The following DSCAM variants were observed in gnomAD, a reference collection of about 807,000 sequenced individuals.
DSCAM encodes DS cell adhesion molecule, also known as cell adhesion molecule DSCAM.
DSCAM carries 47 observed loss-of-function variants against 217.7 expected under a neutral mutation model. The ratio of observed to expected loss-of-function variants is 0.22; its 90% CI spans 0.17 to 0.28. The LOEUF (loss-of-function observed/expected upper bound fraction) is 0.28, where lower values mean the gene tolerates loss of function less well. DSCAM is among the 10% of genes least tolerant of loss of function. DSCAM has a pLI of 1.00. For synonymous variants in DSCAM, 1,056 were observed against 1,015.3 expected (o/e 1.04, Z -0.76); for missense variants, 2,080 against 2,618.3 (o/e 0.79, Z 4.49).
chr21:40,665,486 A>AT (rs1194505839), intron 3 of DSCAM, among the ~76,000 whole-genome samples: 5 of 151,774 alleles, frequency 3.3e-5, no homozygotes, highest in East Asian at 1.9e-4. Context: ...CCGCACTTTC[A>AT]TTTTTCTTTA....
At chr21:40,615,168 G>T (rs1316107500) in intron 3 of DSCAM, among the ~76,000 whole-genome samples, 4 of 151,246 alleles carry the variant, frequency 2.6e-5, no homozygotes, top group Admixed American at 1.3e-4. Context: ...GCCAGGCATG[G>T]TGGCACACAC....
At chr21:40,283,164 C>T (rs2073785680) in intron 10 of DSCAM, among the ~76,000 whole-genome samples, 1 of 152,178 alleles carries the variant, frequency 6.6e-6, no homozygotes, top group East Asian at 1.9e-4. Context: ...ATTTATCAGT[C>T]ATCTACTTTA....
intron 22 of DSCAM, 38 bp from the exon 23 acceptor site, chr21:40,085,803 T>C: frequency 7.0e-7 from 1 of 1,427,788 alleles, no homozygotes; most frequent in East Asian, 2.5e-5. Flanking sequence ...ATTAAAGAAA[T>C]TACAATCCAA....
chr21:40,533,462 C>T (rs1568884470), intron 3 of DSCAM, among the ~76,000 whole-genome samples: 3 of 151,630 alleles, frequency 2.0e-5, no homozygotes, highest in Non-Finnish European at 2.9e-5. Context: ...ATCCACCCAT[C>T]GTCCATCCAT....
intron 3 of DSCAM, among the ~76,000 whole-genome samples, chr21:40,507,607 A>G (rs989977564): frequency 6.6e-6 from 1 of 152,048 alleles, no homozygotes; most frequent in African/African-American, 2.4e-5. Flanking sequence ...CCTGGGGAAC[A>G]TGGTGAAACC....
intron 3 of DSCAM, among the ~76,000 whole-genome samples, chr21:40,614,010 G>C (rs1235290910): frequency 6.6e-6 from 1 of 152,124 alleles, no homozygotes; most frequent in Non-Finnish European, 1.5e-5. Context: ...TCCTATCAAA[G>C]GAAAAAAGCA....
chr21:40,743,500 C>T (rs1433635863), intron 1 of DSCAM, among the ~76,000 whole-genome samples: 5 of 152,078 alleles, frequency 3.3e-5, no homozygotes, highest in Admixed American at 3.3e-4. Context: ...GCTTATTCCC[C>T]ACTCTGACAT....
chr21:40,649,725 G>A (rs2089991161), intron 3 of DSCAM, among the ~76,000 whole-genome samples: 1 of 152,184 alleles, frequency 6.6e-6, no homozygotes, highest in Non-Finnish European at 1.5e-5. Context: ...ACAAAATAGA[G>A]ATGTTGTGCA....
intron 3 of DSCAM, among the ~76,000 whole-genome samples, chr21:40,425,439 C>A (rs541009838): frequency 6.6e-6 from 1 of 151,754 alleles, no homozygotes; most frequent in Admixed American, 6.6e-5. Flanking sequence ...ACCAACCTGG[C>A]GCATGTATAC....
At chr21:40,766,144 G>A (rs76077557) in intron 1 of DSCAM, among the ~76,000 whole-genome samples, 1 of 152,280 alleles carries the variant, frequency 6.6e-6, no homozygotes, top group East Asian at 1.9e-4. Context: ...AGCAAAAGGG[G>A]TTGGGGGTGG....
chr21:40,140,219 T>G lies in DSCAM; in HGVS notation c.3406+2339A>C, dbSNP rs187323057. Among the ~76,000 whole-genome samples the G allele has an allele frequency of 2.9e-3, 441 of 152,244 alleles. 2 individuals are homozygous for G. The highest frequency in any genetic ancestry group is 1.0e-2 in the African/African-American group (415 of 41,528). ...CAGGCAGGTTCATGTTTCTGAAGGT[T>G]TCTTGCTTATCTTTCGGAAATGAAG... On this transcript the variant is annotated intron_variant, in intron 18 of 32. Coordinates refer to ENST00000400454, the MANE Select transcript of DSCAM (RefSeq NM_001389.5).
At chr21:40,396,747 C>T (rs921293946) in intron 3 of DSCAM, among the ~76,000 whole-genome samples, 2 of 152,314 alleles carry the variant, frequency 1.3e-5, no homozygotes, top group South Asian at 4.1e-4. Flanking sequence ...TCTACCACAG[C>T]TACTACAACT....
intron 11 of DSCAM, among the ~76,000 whole-genome samples, chr21:40,267,304 T>C (rs934156215): frequency 6.6e-6 from 1 of 152,054 alleles, no homozygotes; most frequent in Admixed American, 6.5e-5. Flanking sequence ...TCTAAAGTAA[T>C]TATGAACAAT....
Position 40,011,794 on chromosome 21 carries a change from T to C in DSCAM, c.*1240A>G, listed in dbSNP as rs2088059884. On this transcript the variant is annotated 3_prime_UTR_variant, in exon 33 of 33. Transcript: ENST00000400454. ...AGGATTCAGGCAATGTTTATTAAGATGGTCTATCACAAATTTGCATACCAG... is the reference window on the plus strand; with the variant it reads ...AGGATTCAGGCAATGTTTATTAAGACGGTCTATCACAAATTTGCATACCAG... The C allele has an allele frequency of 6.6e-6, 1 of 152,202 alleles. No individual in the cohort carries two copies. The highest frequency in any genetic ancestry group is 2.1e-4 in the South Asian group (1 of 4,830). The allele number at this position is 152,202 out of a possible 1,614,324, so 9.4% of individuals were successfully genotyped here. A position where few individuals can be genotyped will look rare whatever the true frequency, so the allele number is the denominator to read the frequency against.
chr21:40,548,089 C>CTGG (rs1320829673), intron 3 of DSCAM, among the ~76,000 whole-genome samples: 5 of 152,218 alleles, frequency 3.3e-5, no homozygotes, highest in African/African-American at 9.6e-5. Flanking sequence ...TCCCCATTGC[C>CTGG]TGCACCCTCA....
intron 14 of DSCAM, among the ~76,000 whole-genome samples, chr21:40,181,205 T>G (rs2090796490): frequency 7.1e-6 from 1 of 141,086 alleles, no homozygotes; most frequent in Non-Finnish European, 1.5e-5. Context: ...GGGTCAATGG[T>G]GCATTCTTCC....
intron 3 of DSCAM, among the ~76,000 whole-genome samples, chr21:40,498,696 TAG>T (rs55901332): frequency 0.071 from 622 of 8,808 alleles, 60 homozygotes; most frequent in East Asian, 0.17. Context: ...TATATATATA[TAG>T]ATATATATAT....
chr21:40,216,107 T>C (rs1361596045), intron 11 of DSCAM, among the ~76,000 whole-genome samples: 1 of 152,090 alleles, frequency 6.6e-6, no homozygotes, highest in East Asian at 1.9e-4. Flanking sequence ...TGAGCCCTTT[T>C]TGTTTTGTAT....
intron 11 of DSCAM, among the ~76,000 whole-genome samples, chr21:40,199,618 G>A (rs2091049561): frequency 6.6e-6 from 1 of 152,156 alleles, no homozygotes; most frequent in Non-Finnish European, 1.5e-5. Context: ...CCCACCCACA[G>A]TGTAAAAGCA....
Sources: gnomAD v4.1 joint callset for allele counts (sites outside exome capture counted in the v4.1 genomes callset) on GRCh38, gnomAD v4.1.1 for gene constraint, MANE v1.5 for transcripts, NCBI Gene and HGNC (gene_info 2026-07-23, HGNC 2026-07-21) for gene names.